The following TENM2 variants were observed in gnomAD, a reference collection of about 807,000 sequenced individuals.
TENM2 encodes teneurin-2.
A neutral mutation model predicts 245.2 loss-of-function variants in TENM2; 52 were observed. The ratio of observed to expected loss-of-function variants is 0.21; its 90% CI spans 0.17 to 0.27. The LOEUF (loss-of-function observed/expected upper bound fraction) is 0.27, where lower values mean the gene tolerates loss of function less well. Ranked by LOEUF, TENM2 falls within the 10% of genes least tolerant of loss-of-function variation. The pLI is 1.00. For synonymous variants in TENM2, 1,363 were observed against 1,438.9 expected (o/e 0.95, Z 1.19); for missense variants, 3,046 against 3,666.8 (o/e 0.83, Z 4.37).
intron 1 of TENM2, among the ~76,000 whole-genome samples, chr5:167,368,145 T>C (rs1055561541): frequency 4.6e-5 from 7 of 152,092 alleles, no homozygotes; most frequent in Non-Finnish European, 1.0e-4. Context: ...TAAAAATAAT[T>C]TATTGCAACT....
intron 1 of TENM2, among the ~76,000 whole-genome samples, chr5:167,351,911 C>T (rs111376974): frequency 1.3e-5 from 2 of 151,938 alleles, no homozygotes; most frequent in Admixed American, 6.5e-5. Context: ...TTAGGAGTCC[C>T]TCTCTCAACA....
Position 167,640,874 on chromosome 5 carries a change from T to TCC in TENM2, c.503-235112_503-235111insCC, listed in dbSNP as rs1347514751. 6.2e-4 allele frequency among the ~76,000 whole-genome samples: 33 copies of TCC among 52,984 alleles called. 2 individuals carry two copies. Among genetic ancestry groups the TCC allele is most frequent in the African/African-American group, 4.4e-3 (24 of 5,426 alleles). 34.8% of individuals were successfully genotyped at this position (52,984 alleles called of 152,430 possible). On this transcript the variant is annotated intron_variant, in intron 2 of 28. Coordinates refer to ENST00000518659, the Ensembl canonical transcript of TENM2. ...ATATATATATCCATATATATATATA[T>TCC]ATATATATATATATATATATATATA...
the TENM2 span, among the ~76,000 whole-genome samples, chr5:167,187,328 A>T: frequency 2.6e-5 from 4 of 152,216 alleles, no homozygotes; most frequent in Admixed American, 6.6e-5. Flanking sequence ...GTTGGTTCTC[A>T]AAAGGCTGCC....
intron 5 of TENM2, among the ~76,000 whole-genome samples, chr5:168,043,114 T>C (rs576693552): frequency 6.6e-6 from 1 of 152,294 alleles, no homozygotes; most frequent in Non-Finnish European, 1.5e-5. Flanking sequence ...TGCTAGAGCA[T>C]TCAAGGTGGG....
the TENM2 span, among the ~76,000 whole-genome samples, chr5:167,160,471 A>C: frequency 4.1e-4 from 62 of 152,350 alleles, no homozygotes; most frequent in African/African-American, 1.4e-3. Flanking sequence ...TCTAAGATTC[A>C]TATTTTCTCC....
intron 2 of TENM2, among the ~76,000 whole-genome samples, chr5:167,782,653 A>G (rs1292366689): frequency 6.6e-6 from 1 of 152,200 alleles, no homozygotes. Context: ...AAAACAAAAA[A>G]ATTACAAGGG....
At chr5:166,999,973 G>A in the TENM2 span, among the ~76,000 whole-genome samples, 1 of 152,086 alleles carries the variant, frequency 6.6e-6, no homozygotes, top group Non-Finnish European at 1.5e-5. Context: ...ATTGAAAAGT[G>A]CCAACAGAGG....
chr5:167,991,158 C>G (rs1211319372), intron 4 of TENM2, among the ~76,000 whole-genome samples: 1 of 152,202 alleles, frequency 6.6e-6, no homozygotes, highest in African/African-American at 2.4e-5. Flanking sequence ...AGCATTGTAA[C>G]TGACACATTG....
intron 5 of TENM2, among the ~76,000 whole-genome samples, chr5:168,043,708 A>T (rs1474845335): frequency 6.6e-6 from 1 of 152,214 alleles, no homozygotes; most frequent in Non-Finnish European, 1.5e-5. Flanking sequence ...ATGTCTTCAT[A>T]CATGCTGTAT....
At position 167,706,838 on chromosome 5, in the gene TENM2, G is replaced by A. The variant is rs538512114; in HGVS notation, c.503-169148G>A. Among the ~76,000 whole-genome samples the A allele has an allele frequency of 2.0e-5, 3 of 151,616 alleles. No homozygotes were observed. In the South Asian group the frequency reaches 6.3e-4, roughly 32 times the overall value. On this transcript the variant is annotated intron_variant, in intron 2 of 28. Coordinates refer to ENST00000518659, the Ensembl canonical transcript of TENM2. ...GACCATCCTGGCTAACATGGTGAAA[G>A]CCCCGTCTCTACTAAAAATACGAAA...
intron 1 of TENM2, among the ~76,000 whole-genome samples, chr5:167,298,652 A>G (rs1561844802): frequency 6.6e-6 from 1 of 152,212 alleles, no homozygotes. Context: ...GGAATAAGAG[A>G]AGGAGAAAAA....
chr5:168,190,199 T>C (rs896580008), intron 13 of TENM2, 138 bp from the exon 16 acceptor site: 3 of 604,092 alleles, frequency 5.0e-6, no homozygotes, highest in Non-Finnish European at 8.9e-6. Context: ...TGAGGCTTGC[T>C]GTGTGAAACC....
At chr5:167,380,625 A>G (rs1453425164) in intron 2 of TENM2, among the ~76,000 whole-genome samples, 1 of 152,152 alleles carries the variant, frequency 6.6e-6, no homozygotes, top group Non-Finnish European at 1.5e-5. Context: ...AATAAATACA[A>G]TAAATAAAAT....
At chr5:167,272,411 G>T in the TENM2 span, among the ~76,000 whole-genome samples, 2 of 152,070 alleles carry the variant, frequency 1.3e-5, no homozygotes, top group African/African-American at 4.8e-5. Context: ...AAACAGGTTG[G>T]CAATTCAATT....
chr5:167,146,563 C>T, the TENM2 span, among the ~76,000 whole-genome samples: 1 of 152,128 alleles, frequency 6.6e-6, no homozygotes, highest in Non-Finnish European at 1.5e-5. Context: ...CTATAAAGTG[C>T]TTATAATTGA....
the TENM2 span, among the ~76,000 whole-genome samples, chr5:167,162,508 A>C: frequency 6.6e-6 from 1 of 150,500 alleles, no homozygotes; most frequent in African/African-American, 2.4e-5. Flanking sequence ...CATGCCTGTA[A>C]TCCCAGCTAC....
the TENM2 span, among the ~76,000 whole-genome samples, chr5:167,031,197 G>A: frequency 1.3e-5 from 2 of 152,206 alleles, no homozygotes; most frequent in East Asian, 1.9e-4. Context: ...TAGTGTTTAA[G>A]TCTAGGATTG....
chr5:167,883,359 A>G (rs1278447042), intron 3 of TENM2, among the ~76,000 whole-genome samples: 1 of 152,224 alleles, frequency 6.6e-6, no homozygotes, highest in East Asian at 1.9e-4. Context: ...CTTGAAACAG[A>G]CAAATACTGC....
chr5:167,524,334 A>G (rs767228157), intron 2 of TENM2, among the ~76,000 whole-genome samples: 18 of 152,186 alleles, frequency 1.2e-4, no homozygotes, highest in Non-Finnish European at 1.2e-4. Flanking sequence ...TATTGTTTTG[A>G]GAATTAAGGG....
Sources: allele counts gnomAD v4.1 joint callset (sites outside exome capture counted in the v4.1 genomes callset), GRCh38; gene constraint gnomAD v4.1.1; transcripts MANE v1.5; gene names NCBI Gene and HGNC (gene_info 2026-07-23, HGNC 2026-07-21).